MRPL18: variants seen among roughly 807,000 people sequenced by gnomAD.
MRPL18 encodes large ribosomal subunit protein uL18m.
In MRPL18, 16 loss-of-function variants were observed where a neutral mutation model predicts 20.9. The ratio of observed to expected loss-of-function variants is 0.76; its 90% confidence interval spans 0.52 to 1.16. The LOEUF is 1.16. MRPL18 is among the 50% of genes most tolerant of loss of function. The probability of loss-of-function intolerance (pLI) is 0.00; values close to 1 mark genes in which losing one functional copy is unlikely to be tolerated. For missense variants in MRPL18, 233 were observed against 230.6 expected (o/e 1.01, Z -0.07); for synonymous variants, 91 against 87.1 (o/e 1.04, Z -0.25).
chr6:159,797,001 C>G (rs1781045285), intron 2 of MRPL18, among the ~76,000 whole-genome samples: 1 of 124,168 alleles, frequency 8.1e-6, no homozygotes, highest in Non-Finnish European at 1.9e-5. Flanking sequence ...TAACTTAGCT[C>G]TGTCTCTTCA....
chr6:159,797,248 G>C, intron 2 of MRPL18, 39 bp from the exon 3 acceptor site: 2 of 1,556,790 alleles, frequency 1.3e-6, no homozygotes, highest in South Asian at 1.1e-5. Context: ...TTAGGATACA[G>C]ATTCTTCTGT....
At chr6:159,792,928 T>C (rs1298260615) in intron 2 of MRPL18, among the ~76,000 whole-genome samples, 3 of 152,166 alleles carry the variant, frequency 2.0e-5, no homozygotes, top group Non-Finnish European at 4.4e-5. Flanking sequence ...CTCAGCTTCC[T>C]GAGCATCTGG....
chr6:159,797,153 C>T, intron 2 of MRPL18, 134 bp from the exon 3 acceptor site: 2 of 847,856 alleles, frequency 2.4e-6, no homozygotes, highest in Non-Finnish European at 3.6e-6. Flanking sequence ...AAGCAAAATC[C>T]AAGTTAAATA....
chr6:159,791,786 T>C (rs922563355), intron 2 of MRPL18, among the ~76,000 whole-genome samples: 2 of 151,986 alleles, frequency 1.3e-5, no homozygotes, highest in Non-Finnish European at 2.9e-5. Context: ...ACGCCTGTAA[T>C]CCCAGCTACT....
intron 2 of MRPL18, among the ~76,000 whole-genome samples, chr6:159,792,268 A>T (rs1294235055): frequency 6.6e-6 from 1 of 152,152 alleles, no homozygotes; most frequent in African/African-American, 2.4e-5. Flanking sequence ...TCTGCTGCTT[A>T]TCTGCTTGGT....
chr6:159,793,706 A>C (rs892484499), intron 2 of MRPL18, among the ~76,000 whole-genome samples: 8 of 152,130 alleles, frequency 5.3e-5, no homozygotes, highest in Non-Finnish European at 1.0e-4. Context: ...TCAGGAGATC[A>C]AGACCATCCT....
chr6:159,791,176 T>C (rs1780885494), intron 2 of MRPL18, 50 bp downstream of exon 2: 7 of 1,592,652 alleles, frequency 4.4e-6, no homozygotes, highest in Non-Finnish European at 6.0e-6. Context: ...CTACAGACTA[T>C]TTTCATTCAT....
upstream of MRPL18, among the ~76,000 whole-genome samples, chr6:159,790,263 C>T (rs1780832551): frequency 6.6e-6 from 1 of 152,152 alleles, no homozygotes; most frequent in Admixed American, 6.5e-5. Context: ...AAAACCCAAA[C>T]ATGGTTTTGT....
intron 2 of MRPL18, among the ~76,000 whole-genome samples, chr6:159,793,217 A>T (rs1298183203): frequency 6.6e-6 from 1 of 152,206 alleles, no homozygotes; most frequent in Non-Finnish European, 1.5e-5. Context: ...TACTCGCAAT[A>T]TTAAAAGTAG....
chr6:159,793,038 GCTGGTCTCGAGCTCTTGAGCT>G (rs2115007340), intron 2 of MRPL18, among the ~76,000 whole-genome samples: 1 of 151,556 alleles, frequency 6.6e-6, no homozygotes, highest in East Asian at 1.9e-4. Context: ...TGCTGCCCAG[GCTGGTCTCGAGCTCTTGAGCT>G]CGAGAGATCT....
At chr6:159,796,617 G>T (rs1230480264) in intron 2 of MRPL18, among the ~76,000 whole-genome samples, 1 of 151,768 alleles carries the variant, frequency 6.6e-6, no homozygotes, top group African/African-American at 2.4e-5. Flanking sequence ...GGGAGACCCT[G>T]TCTCTACAAA....
In MRPL18 at chr6:159,797,348, G is replaced by A. The variant is rs761980758; in HGVS notation, c.301G>A (p.Val101Ile). Residue 101 changes from valine to isoleucine, a missense_variant, in exon 3 of 4, where the codon GTT becomes ATT. Physicochemically the swap from Val to Ile is conservative, Grantham distance 29 (BLOSUM62 3). Coordinates refer to ENST00000367034, the MANE Select transcript of MRPL18 (RefSeq NM_014161.5). ...EALVEHQNGKVVVSASTREWA... is the reference protein window; with the variant it reads ...EALVEHQNGKIVVSASTREWA... ...ACTTGTGGAGCATCAGAATGGCAAG[G>A]TTGTGGTTTCGGCCTCCACTCGTGA... is the stretch of plus-strand genomic sequence containing the variant. The A allele has an allele frequency of 2.1e-5, 34 of 1,614,064 alleles. No homozygotes were observed. The African/African-American group carries it at 3.7e-4, about 18-fold the overall frequency.
rs139371330 is a variant in MRPL18, at chr6:159,794,205, G to A, written c.239+3079G>A. On this transcript the variant is annotated intron_variant, in intron 2 of 3. Coordinates refer to ENST00000367034, the MANE Select transcript of MRPL18 (RefSeq NM_014161.5). ...ATCTTAGCATACGATAAACACTTCC[G>A]CATCTTTCTTCACCACCACCCTCAA... Among the ~76,000 whole-genome samples, 190 of 152,242 alleles carry A rather than the reference G, an allele frequency of 1.2e-3. 2 individuals carry two copies. The East Asian group carries it at 0.028, about 22-fold the overall frequency.
chr6:159,791,162 C>A (rs1326272364), intron 2 of MRPL18, 36 bp downstream of exon 2: 1 of 1,608,674 alleles, frequency 6.2e-7, no homozygotes, highest in African/African-American at 1.3e-5. Context: ...AAGGGCAGTG[C>A]ACCCTACAGA....
At chr6:159,797,608 C>T in intron 3 of MRPL18, 90 bp downstream of exon 3, 1 of 1,217,180 alleles carries the variant, frequency 8.2e-7, no homozygotes, top group Non-Finnish European at 1.2e-6. Context: ...TTTTACTTAC[C>T]AAATACTTTC....
chr6:159,796,697 T>C (rs752285224), intron 2 of MRPL18, among the ~76,000 whole-genome samples: 10 of 152,026 alleles, frequency 6.6e-5, no homozygotes, highest in Non-Finnish European at 1.5e-4. Flanking sequence ...GGCAGGAGGG[T>C]TGCTTGAGCC....
intron 2 of MRPL18, among the ~76,000 whole-genome samples, chr6:159,795,796 T>A (rs1186202365): frequency 6.6e-6 from 1 of 152,216 alleles, no homozygotes; most frequent in Non-Finnish European, 1.5e-5. Flanking sequence ...TTTCTTTTTA[T>A]ATTTTTGTGA....
chr6:159,797,079 TG>T (rs1781046798), intron 2 of MRPL18, among the ~76,000 whole-genome samples: 1 of 152,222 alleles, frequency 6.6e-6, no homozygotes, highest in African/African-American at 2.4e-5. Flanking sequence ...TCATGATACT[TG>T]AACTATTTAG....
upstream of MRPL18, chr6:159,789,986 GT>G: frequency 5.6e-6 from 1 of 178,558 alleles, no homozygotes; most frequent in Non-Finnish European, 1.2e-5. Context: ...TGCGTTTTAG[GT>G]TTAGTGTCTT....
Sources: gnomAD v4.1 joint callset for allele counts (sites outside exome capture counted in the v4.1 genomes callset) on GRCh38, gnomAD v4.1.1 for gene constraint, MANE v1.5 for transcripts, NCBI Gene and HGNC (gene_info 2026-07-23, HGNC 2026-07-21) for gene names.